Variants in SYNM observed in about 807,000 individuals in gnomAD.
The protein encoded by SYNM is desmuslin.
In SYNM, 95 loss-of-function variants were observed where a neutral mutation model predicts 104.0. The ratio of observed to expected loss-of-function variants is 0.91; its 90% CI spans 0.77 to 1.08. The LOEUF (loss-of-function observed/expected upper bound fraction) is 1.08, where lower values mean the gene tolerates loss of function less well. Among genes scored for constraint, SYNM ranks in the 50% least tolerant of loss-of-function variants. The pLI is 0.00. For synonymous variants in SYNM, 918 were observed against 869.0 expected (o/e 1.06, Z -0.99); for missense variants, 2,150 against 2,052.2 (o/e 1.05, Z -0.92).
intron 1 of SYNM, among the ~76,000 whole-genome samples, chr15:99,108,864 T>C (rs1452403296): frequency 2.6e-5 from 4 of 152,242 alleles, no homozygotes; most frequent in Non-Finnish European, 5.9e-5. Flanking sequence ...ATAATGATAA[T>C]TGCTCTTCCT....
At chr15:99,118,365 A>G (rs2067369661) in intron 2 of SYNM, among the ~76,000 whole-genome samples, 1 of 152,144 alleles carries the variant, frequency 6.6e-6, no homozygotes, top group Non-Finnish European at 1.5e-5. Context: ...CTTATTCTTT[A>G]ACTAAAGTGC....
chr15:99,129,087 T>G, intron 3 of SYNM: 1 of 419,666 alleles, frequency 2.4e-6, no homozygotes, highest in Non-Finnish European at 4.3e-6. Flanking sequence ...GCATTGTGCT[T>G]TATGATTAAT....
intron 2 of SYNM, among the ~76,000 whole-genome samples, chr15:99,122,641 G>C (rs4965443): frequency 0.19 from 28,880 of 152,034 alleles, 2,816 homozygotes; most frequent in East Asian, 0.31. Context: ...TTGGAGACCA[G>C]CCTGGGCAAC....
chr15:99,131,087 A>G lies in SYNM; in HGVS notation c.2727A>G (p.Glu909=), dbSNP rs2067500154. 3.7e-6 allele frequency: 6 copies of G among 1,604,616 alleles called. No homozygotes were observed. In the South Asian group the frequency reaches 4.5e-5, roughly 12 times the overall value. Residue 909 remains glutamate (E), a synonymous_variant, in exon 4 of 4, where the codon GAA becomes GAG. Transcript: ENST00000336292. The surrounding 1 kb of genome is among the most constrained non-coding windows in gnomAD (Gnocchi z 4.3). ...EGDLGSTHWK[E]QARSGEFHAE... is the part of the protein sequence containing the mutation. ...ACCTGGGTTCCACTCACTGGAAAGA[A>G]CAAGCTAGAAGCGGTGAATTTCATG...
At position 99,132,386 on chromosome 15, in the gene SYNM, T is replaced by A; in HGVS notation, c.4026T>A (p.Thr1342=). ...QLGESGDSES[T]VHGEGSADVH... ...GGGAATCTGGTGACTCAGAGAGCACTGTGCACGGAGAGGGCTCAGCAGATG... is the reference window on the plus strand; with the variant it reads ...GGGAATCTGGTGACTCAGAGAGCACAGTGCACGGAGAGGGCTCAGCAGATG... The change falls in exon 4 of 4, where the codon ACT becomes ACA. Residue 1342 remains threonine (T), a synonymous_variant. Coordinates refer to ENST00000336292, the MANE Select transcript of SYNM (RefSeq NM_145728.3). The A allele has an allele frequency of 6.2e-7, 1 of 1,613,946 alleles. No homozygotes were observed. The highest frequency in any genetic ancestry group is 8.5e-7 in the Non-Finnish European group (1 of 1,179,858).
At chr15:99,139,457 CTA>C (rs1227553902), downstream of SYNM, 1 of 1,610,106 alleles carries the variant, frequency 6.2e-7, no homozygotes, top group Non-Finnish European at 8.5e-7. Context: ...GAGCAGGAAA[CTA>C]AGGTCTCCCT....
At chr15:99,138,590 G>T (rs4965448), downstream of SYNM, among the ~76,000 whole-genome samples, 13,435 of 152,278 alleles carry the variant, frequency 0.088, 782 homozygotes, top group East Asian at 0.29. Flanking sequence ...TGGGATTATA[G>T]GCATGAGTCA....
intron 2 of SYNM, among the ~76,000 whole-genome samples, chr15:99,119,290 C>T (rs1460205649): frequency 6.6e-6 from 1 of 152,162 alleles, no homozygotes; most frequent in Non-Finnish European, 1.5e-5. Flanking sequence ...GCTCACAGGG[C>T]GGCAGCATGC....
In SYNM at chr15:99,131,867, G is replaced by A. The variant is rs1471804139; in HGVS notation, c.3507G>A (p.Arg1169=). Residue 1169 remains arginine, a synonymous_variant, in exon 4 of 4, where the codon CGG becomes CGA. Coordinates refer to ENST00000336292, the MANE Select transcript of SYNM (RefSeq NM_145728.3). This position sits in a 1 kb window ranked among gnomAD's most constrained non-coding sequence, Gnocchi z 4.3. The part of the protein sequence containing the change: ...SQAASPTGAS[R]SVRHVTLGPG... ...CAGCGAGCCCGACCGGAGCCAGCCG[G>A]TCTGTGAGGCATGTCACGCTGGGTC... is the stretch of plus-strand genomic sequence containing the variant. 6.2e-7 allele frequency: 1 copy of A among 1,613,858 alleles called. No individual in the cohort carries two copies. The highest frequency in any genetic ancestry group is 8.5e-7 in the Non-Finnish European group (1 of 1,179,914).
At chr15:99,110,591 A>G (rs2067292574) in intron 1 of SYNM, among the ~76,000 whole-genome samples, 1 of 152,202 alleles carries the variant, frequency 6.6e-6, no homozygotes, top group Non-Finnish European at 1.5e-5. Flanking sequence ...CTGGAGCTCT[A>G]CCTTTCAAGG....
chr15:99,129,274 G>A, intron 3 of SYNM, 93 bp from the exon 4 acceptor site: 1 of 1,498,804 alleles, frequency 6.7e-7, no homozygotes, highest in Non-Finnish European at 8.9e-7. Flanking sequence ...TATTTATTAT[G>A]ATGGAATGGG....
At chr15:99,128,381 T>C (rs1555485267) in intron 3 of SYNM, among the ~76,000 whole-genome samples, 1 of 152,244 alleles carries the variant, frequency 6.6e-6, no homozygotes, top group African/African-American at 2.4e-5. Flanking sequence ...CACTATTGCC[T>C]GGGGGTTCAT....
intron 1 of SYNM, among the ~76,000 whole-genome samples, chr15:99,111,874 G>A (rs534854955): frequency 2.0e-5 from 3 of 152,300 alleles, no homozygotes; most frequent in African/African-American, 7.2e-5. Flanking sequence ...GTGAAACCCC[G>A]TCTCTACTAA....
At chr15:99,106,627 C>A (rs2067246949) in intron 1 of SYNM, among the ~76,000 whole-genome samples, 1 of 152,230 alleles carries the variant, frequency 6.6e-6, no homozygotes, top group South Asian at 2.1e-4. Flanking sequence ...GACGTCAGAT[C>A]TCTGCGTAGT....
At chr15:99,122,645 G>T (rs755189439) in intron 2 of SYNM, among the ~76,000 whole-genome samples, 163 of 152,262 alleles carry the variant, frequency 1.1e-3, no homozygotes, top group South Asian at 2.5e-3. Flanking sequence ...AGACCAGCCT[G>T]GGCAACATGG....
Position 99,132,421 on chromosome 15 carries a change from C to A in SYNM, c.4061C>A (p.Ala1354Asp), listed in dbSNP as rs545107363. Residue 1354 changes from alanine (A) to aspartate (D), a missense_variant, in exon 4 of 4, where the codon GCC (alanine) becomes GAC (aspartate). By Grantham distance (126) the Ala-to-Asp change is moderately radical (BLOSUM62 -2). Coordinates refer to ENST00000336292, the MANE Select transcript of SYNM (RefSeq NM_145728.3). ...GAGGGCTCAGCAGATGTGCACCAGG[C>A]CACTCACAGTCATACCTCGGGTAGA... ...HGEGSADVHQ[A>D]THSHTSGRQT... The A allele has an allele frequency of 3.1e-6, 5 of 1,613,974 alleles. No individual in the cohort carries two copies. The highest frequency in any genetic ancestry group is 4.2e-6 in the Non-Finnish European group (5 of 1,179,884).
At chr15:99,106,614 G>A (rs572121639) in intron 1 of SYNM, among the ~76,000 whole-genome samples, 4 of 152,348 alleles carry the variant, frequency 2.6e-5, no homozygotes, top group South Asian at 2.1e-4. Flanking sequence ...CACAGCACAC[G>A]CTGACGTCAG....
At chr15:99,141,332 T>A in the SYNM span, among the ~76,000 whole-genome samples, 1 of 152,092 alleles carries the variant, frequency 6.6e-6, no homozygotes, top group Non-Finnish European at 1.5e-5. Context: ...GCATATAATA[T>A]GTATTATAAT....
rs576996628 is a variant in SYNM, at chr15:99,118,562, T to C, written c.935+4847T>C. Among the ~76,000 whole-genome samples the C allele has an allele frequency of 3.6e-3, 553 of 152,328 alleles. 1 individual carries two copies. Among genetic ancestry groups the C allele is most frequent in the Non-Finnish European group, 5.6e-3 (382 of 68,034 alleles). Reference sequence around the variant, plus strand: ...TTGTCCCAAGGACTCTCAAATGTACTGAACACCTCCCAACCCAGATCTTTG... The same window carrying C: ...TTGTCCCAAGGACTCTCAAATGTACCGAACACCTCCCAACCCAGATCTTTG... On this transcript the variant is annotated intron_variant, in intron 2 of 3. Transcript: ENST00000336292.
Sources: gnomAD v4.1 joint callset for allele counts (sites outside exome capture counted in the v4.1 genomes callset) on GRCh38, gnomAD v4.1.1 for gene constraint, Gnocchi (gnomAD v3.1) non-coding constraint, MANE v1.5 for transcripts, NCBI Gene and HGNC (gene_info 2026-07-23, HGNC 2026-07-21) for gene names.